Variants in TMEM72 observed in about 807,000 individuals in gnomAD.
TMEM72 encodes transmembrane protein 72.
TMEM72 carries 9 observed loss-of-function variants against 16.3 expected under a neutral mutation model. The observed-to-expected ratio is 0.55, with a 90% CI of 0.33 to 0.96. The LOEUF (loss-of-function observed/expected upper bound fraction) is 0.96, where lower values mean the gene tolerates loss of function less well. TMEM72 is among the 40% of genes least tolerant of loss of function. TMEM72 has a pLI of 0.03. For synonymous variants in TMEM72, 160 were observed against 146.5 expected, an observed-to-expected ratio of 1.09 and a Z score of -0.66; for missense variants, 324 against 337.8, an observed-to-expected ratio of 0.96 and a Z score of 0.32.
At chr10:44,916,651 A>T (rs1022600221) in intron 1 of TMEM72, among the ~76,000 whole-genome samples, 7 of 152,058 alleles carry the variant, frequency 4.6e-5, no homozygotes, top group Non-Finnish European at 7.4e-5. Context: ...TTTATCACCC[A>T]AGTGAGCCCA....
rs1840370265 is a variant in TMEM72 at position 44,934,849 on chromosome 10, C to T, written c.543C>T (p.Ser181=). 4 of 1,613,596 alleles carry T rather than the reference C, an allele frequency of 2.5e-6. No homozygotes were observed. Among genetic ancestry groups the T allele is most frequent in the Non-Finnish European group, 3.4e-6 (4 of 1,179,974 alleles). ...GGGCCCTCAAGGAGGGGCCCAGCTC[C>T]CTTTTCATCCACATGAAGAGTATCC... The part of the protein sequence containing the change: ...FHGALKEGPS[S]LFIHMKSILK... Residue 181 remains serine, a synonymous_variant, in exon 5 of 5, where the codon TCC becomes TCT. Coordinates refer to ENST00000389583, the MANE Select transcript of TMEM72 (RefSeq NM_001123376.3).
chr10:44,916,698 G>A (rs1458474802), intron 1 of TMEM72, among the ~76,000 whole-genome samples: 1 of 152,102 alleles, frequency 6.6e-6, no homozygotes, highest in African/African-American at 2.4e-5. Flanking sequence ...AATGTTGACT[G>A]TTTTCCTTTT....
chr10:44,933,074 C>T lies in TMEM72; in HGVS notation c.210-563C>T, dbSNP rs187704768. ...TGCCCCCTGTGAAACATGGAGGCAG[C>T]GCCCCTGAAGGAAGCTGCTCAGCAT... On this transcript the variant is annotated intron_variant, in intron 3 of 4. Coordinates refer to ENST00000389583, the MANE Select transcript of TMEM72 (RefSeq NM_001123376.3). Among the ~76,000 whole-genome samples, 167 of 152,358 alleles carry T rather than the reference C, an allele frequency of 1.1e-3. 1 individual carries two copies. The highest frequency in any genetic ancestry group is 2.1e-3 in the South Asian group (10 of 4,834).
In TMEM72 at chr10:44,934,800, C is replaced by A; in HGVS notation, c.494C>A (p.Thr165Lys). ...SAVSTTGSGD[T>K]EQTYTFHGAL... is the part of the protein sequence containing the mutation. ...GTGAGCACCACCGGCTCTGGGGACACAGAGCAAACCTACACTTTCCATGGG... is the reference window on the plus strand; with the variant it reads ...GTGAGCACCACCGGCTCTGGGGACAAAGAGCAAACCTACACTTTCCATGGG... Residue 165 changes from threonine to lysine, a missense_variant, in exon 5 of 5, where the codon ACA (threonine) becomes AAA (lysine). Physicochemically the swap from Thr to Lys is moderately conservative, Grantham distance 78. Coordinates refer to ENST00000389583, the MANE Select transcript of TMEM72 (RefSeq NM_001123376.3). 1 of 1,613,696 alleles carries A rather than the reference C, an allele frequency of 6.2e-7. No individual in the cohort carries two copies. Among genetic ancestry groups the A allele is most frequent in the Non-Finnish European group, 8.5e-7 (1 of 1,180,008 alleles).
chr10:44,931,843 C>T lies in TMEM72; in HGVS notation c.138-155C>T. On this transcript the variant is annotated intron_variant, in intron 2 of 4. Coordinates refer to ENST00000389583, the MANE Select transcript of TMEM72 (RefSeq NM_001123376.3). Reference sequence around the variant, plus strand: ...TGGCCCAGTCCGGAACACGCCATGTCCTGGAGACAGCCCGTGGTGAATGTT... The same window carrying T: ...TGGCCCAGTCCGGAACACGCCATGTTCTGGAGACAGCCCGTGGTGAATGTT... 6.6e-6 allele frequency: 5 copies of T among 755,246 alleles called. No homozygotes were observed. In the South Asian group the frequency reaches 8.7e-5, roughly 13 times the overall value. The allele number at this position is 755,246 out of a possible 1,614,324, so 46.8% of individuals were successfully genotyped here.
chr10:44,927,884 C>T (rs1368996801), intron 1 of TMEM72, 37 bp from the exon 2 acceptor site: 2 of 1,609,472 alleles, frequency 1.2e-6, no homozygotes, highest in African/African-American at 2.7e-5. Context: ...TGGTGTAGAG[C>T]ACCAGGCCCA....
Position 44,911,424 on chromosome 10 carries a change from T to A in TMEM72, c.-89T>A, listed in dbSNP as rs773096749. 3.0e-5 allele frequency: 42 copies of A among 1,388,662 alleles called. No individual in the cohort carries two copies. The highest frequency in any genetic ancestry group is 4.1e-5 in the Non-Finnish European group (42 of 1,017,480). 86.0% of individuals were successfully genotyped at this position (1,388,662 alleles called of 1,614,324 possible). The stretch of plus-strand genomic sequence containing the variant: ...CGGTGTGCAGCCACAGCCAGCAGCC[T>A]CCTACCTACACAAGGGTGTTCGGGA... On this transcript the variant is annotated 5_prime_UTR_variant, in exon 1 of 5. Coordinates refer to ENST00000389583, the MANE Select transcript of TMEM72 (RefSeq NM_001123376.3).
intron 2 of TMEM72, among the ~76,000 whole-genome samples, chr10:44,930,033 C>T (rs1036907382): frequency 3.3e-5 from 5 of 152,238 alleles, no homozygotes; most frequent in Non-Finnish European, 5.9e-5. Flanking sequence ...GGGTCCCTAA[C>T]TCTCGGGTCA....
intron 4 of TMEM72, among the ~76,000 whole-genome samples, chr10:44,934,249 T>C (rs1380087992): frequency 3.3e-5 from 5 of 152,176 alleles, no homozygotes; most frequent in East Asian, 1.9e-4. Flanking sequence ...ACTGGCCAGC[T>C]GGTTTCTGGT....
chr10:44,911,752 A>G (rs369124139), intron 1 of TMEM72, among the ~76,000 whole-genome samples, 170 bp downstream of exon 1: 7 of 152,188 alleles, frequency 4.6e-5, no homozygotes, highest in African/African-American at 1.7e-4. Flanking sequence ...CAGCAAGTGC[A>G]GTGGGGTGAG....
rs777146968 is a variant in TMEM72 at position 44,935,095 on chromosome 10, A to G, written c.789A>G (p.Pro263=). 7 of 1,605,984 alleles carry G rather than the reference A, an allele frequency of 4.4e-6. No homozygotes were observed. In the African/African-American group the frequency reaches 5.4e-5, roughly 12 times the overall value. The stretch of plus-strand genomic sequence containing the variant: ...CCATCATTCCCCCTCCCCAGGCCCC[A>G]CTCTTCCTGTCATCTCTTACAGCCA... ...TTPIIPPPQA[P]LFLSSLTATG... Residue 263 remains proline (P), a synonymous_variant, in exon 5 of 5, where the codon CCA becomes CCG. Coordinates refer to ENST00000389583, the MANE Select transcript of TMEM72 (RefSeq NM_001123376.3).
intron 1 of TMEM72, among the ~76,000 whole-genome samples, chr10:44,921,045 C>T (rs1402356270): frequency 6.6e-6 from 1 of 152,208 alleles, no homozygotes; most frequent in Non-Finnish European, 1.5e-5. Context: ...CTACAACAAA[C>T]AGCTCAGGAA....
chr10:44,920,042 C>T (rs1008731788), intron 1 of TMEM72: 3 of 152,242 alleles, frequency 2.0e-5, no homozygotes, highest in East Asian at 1.9e-4. Context: ...ACCATCCACG[C>T]CCATTGTCAT....
chr10:44,915,539 G>A (rs1415432077), intron 1 of TMEM72, among the ~76,000 whole-genome samples: 1 of 152,068 alleles, frequency 6.6e-6, no homozygotes, highest in Non-Finnish European at 1.5e-5. Context: ...TCCTCCACCT[G>A]AATCAGGATT....
intron 2 of TMEM72, among the ~76,000 whole-genome samples, chr10:44,929,051 C>T (rs1172062223): frequency 6.6e-6 from 1 of 152,228 alleles, no homozygotes; most frequent in East Asian, 1.9e-4. Context: ...GGCATATTGG[C>T]CTAGTTTTAC....
intron 1 of TMEM72, among the ~76,000 whole-genome samples, chr10:44,918,326 A>G (rs1288481817): frequency 6.6e-6 from 1 of 152,170 alleles, no homozygotes; most frequent in Non-Finnish European, 1.5e-5. Context: ...CCAATGAACC[A>G]TATGGGTCTG....
At chr10:44,921,053 GA>G (rs1159034954) in intron 1 of TMEM72, among the ~76,000 whole-genome samples, 1 of 152,196 alleles carries the variant, frequency 6.6e-6, no homozygotes, top group African/African-American at 2.4e-5. Context: ...AACAGCTCAG[GA>G]AAGCAACACA....
intron 2 of TMEM72, 77 bp downstream of exon 2, chr10:44,928,064 C>T: frequency 6.6e-6 from 10 of 1,515,740 alleles, no homozygotes; most frequent in Non-Finnish European, 8.2e-6. Context: ...CTCAGAATAA[C>T]TCAGAGCAGT....
At position 44,924,929 on chromosome 10, in the gene TMEM72, A is replaced by G. The variant is rs375719707; in HGVS notation, c.71-2992A>G. Among the ~76,000 whole-genome samples, 137 of 152,326 alleles carry G rather than the reference A, an allele frequency of 9.0e-4. 1 individual carries two copies. The highest frequency in any genetic ancestry group is 3.2e-3 in the African/African-American group (135 of 41,582). The stretch of plus-strand genomic sequence containing the variant: ...CTTAGTACAAAGTGGCTGACTGGAC[A>G]CTGGCAAAGCTGCCAGGGCCAAGTT... On this transcript the variant is annotated intron_variant, in intron 1 of 4. Transcript: ENST00000389583.
Sources: allele counts gnomAD v4.1 joint callset (sites outside exome capture counted in the v4.1 genomes callset), GRCh38; gene constraint gnomAD v4.1.1; transcripts MANE v1.5; gene names NCBI Gene and HGNC (gene_info 2026-07-23, HGNC 2026-07-21).